CAMK1D: variants seen among roughly 807,000 people sequenced by gnomAD.
The protein encoded by CAMK1D is calcium/calmodulin-dependent protein kinase type 1D.
CAMK1D carries 9 observed loss-of-function variants against 47.7 expected under a neutral mutation model. That is an observed-to-expected ratio of 0.19 (90% confidence interval 0.11 to 0.33). CAMK1D has a LOEUF of 0.33. Among genes scored for constraint, CAMK1D ranks in the 10% least tolerant of loss-of-function variants. CAMK1D has a pLI of 1.00. For missense variants in CAMK1D, 291 were observed against 488.7 expected, an observed-to-expected ratio of 0.60 and a Z score of 3.81; for synonymous variants, 184 against 184.9, an observed-to-expected ratio of 0.99 and a Z score of 0.04.
At chr10:12,370,940 TAAAAG>T (rs903515927) in intron 1 of CAMK1D, among the ~76,000 whole-genome samples, 4 of 152,072 alleles carry the variant, frequency 2.6e-5, no homozygotes, top group Non-Finnish European at 4.4e-5. Context: ...ATTAAAAAGT[TAAAAG>T]AATAGGAAAA....
intron 3 of CAMK1D, among the ~76,000 whole-genome samples, chr10:12,756,931 A>G (rs553746162): frequency 6.6e-6 from 1 of 152,310 alleles, no homozygotes; most frequent in South Asian, 2.1e-4. Flanking sequence ...TCAAAATAAA[A>G]CAAAAGAACT....
At chr10:12,666,043 G>T (rs1379738820) in intron 2 of CAMK1D, among the ~76,000 whole-genome samples, 1 of 152,186 alleles carries the variant, frequency 6.6e-6, no homozygotes, top group Non-Finnish European at 1.5e-5. Flanking sequence ...CTCTGTGCTT[G>T]TCGTGGGGCC....
intron 3 of CAMK1D, among the ~76,000 whole-genome samples, chr10:12,706,282 T>C (rs1833722657): frequency 6.6e-6 from 1 of 152,190 alleles, no homozygotes; most frequent in African/African-American, 2.4e-5. Flanking sequence ...ACTGTATTAA[T>C]TGTTTATATG....
At chr10:12,435,851 A>G (rs1832620321) in intron 1 of CAMK1D, among the ~76,000 whole-genome samples, 1 of 152,278 alleles carries the variant, frequency 6.6e-6, no homozygotes, top group Non-Finnish European at 1.5e-5. Flanking sequence ...CCTGGGCACC[A>G]TAAGTCAGTG....
intron 5 of CAMK1D, among the ~76,000 whole-genome samples, chr10:12,780,132 G>A (rs1837429229): frequency 1.3e-5 from 2 of 152,150 alleles, no homozygotes; most frequent in South Asian, 2.1e-4. Flanking sequence ...TGAGTTAGAG[G>A]ATTGGTGTTA....
At chr10:12,403,295 C>T (rs866195052) in intron 1 of CAMK1D, among the ~76,000 whole-genome samples, 1 of 152,228 alleles carries the variant, frequency 6.6e-6, no homozygotes, top group Non-Finnish European at 1.5e-5. Flanking sequence ...CCCTGCAGAA[C>T]TGCAGAATGG....
At chr10:12,753,900 A>AT (rs991612111) in intron 3 of CAMK1D, among the ~76,000 whole-genome samples, 1 of 151,376 alleles carries the variant, frequency 6.6e-6, no homozygotes, top group African/African-American at 2.4e-5. Context: ...TTTATTTCTT[A>AT]TTTTTTTGAG....
chr10:12,456,788 A>AAAAAT (rs1833260231), intron 1 of CAMK1D, among the ~76,000 whole-genome samples: 1 of 151,266 alleles, frequency 6.6e-6, no homozygotes, highest in Non-Finnish European at 1.5e-5. Context: ...AAAAAAAAAA[A>AAAAAT]ATCTCTACCT....
chr10:12,351,375 A>T (rs1190391641), intron 1 of CAMK1D, among the ~76,000 whole-genome samples: 1 of 152,134 alleles, frequency 6.6e-6, no homozygotes, highest in East Asian at 1.9e-4. Flanking sequence ...AACTTTTGAA[A>T]ATTGCCACTG....
At chr10:12,564,147 G>GTCTCTCTC (rs56063700) in intron 2 of CAMK1D, among the ~76,000 whole-genome samples, 11 of 139,722 alleles carry the variant, frequency 7.9e-5, no homozygotes, top group South Asian at 2.4e-4. Context: ...CTCTCTCTCT[G>GTCTCTCTC]TCTCTCTCTC....
chr10:12,753,955 A>C (rs185364344), intron 3 of CAMK1D, among the ~76,000 whole-genome samples: 1 of 151,836 alleles, frequency 6.6e-6, no homozygotes, highest in Non-Finnish European at 1.5e-5. Context: ...CAGTGGTGTG[A>C]TCTTGGCTCA....
At chr10:12,435,016 G>C (rs762533567) in intron 1 of CAMK1D, among the ~76,000 whole-genome samples, 1 of 151,964 alleles carries the variant, frequency 6.6e-6, no homozygotes, top group African/African-American at 2.4e-5. Context: ...TCAGGAGTTC[G>C]AGACCATCCT....
intron 2 of CAMK1D, among the ~76,000 whole-genome samples, chr10:12,613,649 T>C (rs1287424307): frequency 6.6e-6 from 1 of 152,216 alleles, no homozygotes; most frequent in Non-Finnish European, 1.5e-5. Flanking sequence ...TGGCTCATTT[T>C]TTGTATTTTT....
At chr10:12,360,765 A>G (rs1170997581) in intron 1 of CAMK1D, among the ~76,000 whole-genome samples, 1 of 152,128 alleles carries the variant, frequency 6.6e-6, no homozygotes, top group Non-Finnish European at 1.5e-5. Context: ...TGGGGAATAG[A>G]ACCCGTAAAC....
At chr10:12,404,601 T>G (rs541678133) in intron 1 of CAMK1D, among the ~76,000 whole-genome samples, 1 of 152,314 alleles carries the variant, frequency 6.6e-6, no homozygotes, top group South Asian at 2.1e-4. Flanking sequence ...ATTCTTGGTA[T>G]GAATAACTTC....
chr10:12,468,980 C>A (rs906811307), intron 1 of CAMK1D, among the ~76,000 whole-genome samples: 1 of 152,144 alleles, frequency 6.6e-6, no homozygotes, highest in African/African-American at 2.4e-5. Flanking sequence ...CTGCCCTCAG[C>A]AGTCTACATA....
At chr10:12,585,756 A>G (rs1044301199) in intron 2 of CAMK1D, among the ~76,000 whole-genome samples, 7 of 152,188 alleles carry the variant, frequency 4.6e-5, no homozygotes, top group African/African-American at 1.7e-4. Flanking sequence ...CGTGGGAATT[A>G]TGGGAGCTAC....
At chr10:12,637,889 CA>C (rs1348911841) in intron 2 of CAMK1D, among the ~76,000 whole-genome samples, 1 of 152,162 alleles carries the variant, frequency 6.6e-6, no homozygotes, top group South Asian at 2.1e-4. Context: ...TGCAGAGGCA[CA>C]AGCTGGCTTC....
intron 1 of CAMK1D, among the ~76,000 whole-genome samples, chr10:12,502,926 C>T (rs1490234246): frequency 2.0e-5 from 3 of 152,332 alleles, no homozygotes; most frequent in Admixed American, 6.5e-5. Flanking sequence ...GTGTTGCCTT[C>T]GCAATGGTGG....
Sources: allele counts gnomAD v4.1 joint callset (sites outside exome capture counted in the v4.1 genomes callset), GRCh38; gene constraint gnomAD v4.1.1; transcripts MANE v1.5; gene names NCBI Gene and HGNC (gene_info 2026-07-23, HGNC 2026-07-21).